Variants in NUAK1 observed in about 807,000 individuals in gnomAD.
NUAK1 encodes the protein NUAK family kinase 1, also known as NUAK family SNF1-like kinase 1.
NUAK1 carries 26 observed loss-of-function variants against 56.9 expected under a neutral mutation model. The observed-to-expected ratio is 0.46, with a 90% CI of 0.33 to 0.63. The LOEUF (loss-of-function observed/expected upper bound fraction) is 0.63, where lower values mean the gene tolerates loss of function less well. Among genes scored for constraint, NUAK1 ranks in the 30% least tolerant of loss-of-function variants. The pLI, the probability that NUAK1 is intolerant of heterozygous loss-of-function variation, is 0.02. For missense variants in NUAK1, 727 were observed against 876.1 expected (o/e 0.83, Z 2.15); for synonymous variants, 337 against 336.0 (o/e 1.00, Z -0.03).
chr12:106,111,710 G>A (rs1211326234), intron 1 of NUAK1, among the ~76,000 whole-genome samples: 1 of 152,128 alleles, frequency 6.6e-6, no homozygotes, highest in African/African-American at 2.4e-5. Context: ...CCAGGTCTTA[G>A]TGCTTCGTCT....
chr12:106,128,653 GAGATAACTA>G (rs1233807757), intron 1 of NUAK1, among the ~76,000 whole-genome samples: 2 of 152,192 alleles, frequency 1.3e-5, no homozygotes, highest in African/African-American at 2.4e-5. Flanking sequence ...GGTCCCGCTG[GAGATAACTA>G]AGAGAAGCAG....
intron 2 of NUAK1, among the ~76,000 whole-genome samples, chr12:106,098,244 C>T (rs1278667703): frequency 2.0e-5 from 3 of 152,162 alleles, no homozygotes; most frequent in Non-Finnish European, 4.4e-5. Flanking sequence ...ATGAGAGGAG[C>T]TTTTAACTGA....
intron 1 of NUAK1, among the ~76,000 whole-genome samples, chr12:106,123,143 A>C (rs2032994530): frequency 6.6e-6 from 1 of 152,242 alleles, no homozygotes. Context: ...AGTGCATACC[A>C]GGAACTGTTC....
chr12:106,063,511 A>C lies in NUAK1; in HGVS notation c.*3291T>G, dbSNP rs2032303356. ...CAAACCAATCAAATGAGTGAAAACC[A>C]ATTTTGACAGGAGCCATAAAGCATG... On this transcript the variant is annotated 3_prime_UTR_variant, in exon 7 of 7. Coordinates refer to ENST00000261402, the MANE Select transcript of NUAK1 (RefSeq NM_014840.3). 1 of 152,624 alleles carries C rather than the reference A, an allele frequency of 6.6e-6. No individual in the cohort carries two copies. The allele number at this position is 152,624 out of a possible 1,614,324, so 9.5% of individuals were successfully genotyped here.
At chr12:106,122,975 T>C (rs1376497283) in intron 1 of NUAK1, among the ~76,000 whole-genome samples, 1 of 152,246 alleles carries the variant, frequency 6.6e-6, no homozygotes, top group African/African-American at 2.4e-5. Context: ...GCCCAACCTG[T>C]AGTCCATGCT....
At chr12:106,073,995 A>ATATATG (rs201737796) in intron 4 of NUAK1, among the ~76,000 whole-genome samples, 48 of 152,068 alleles carry the variant, frequency 3.2e-4, no homozygotes, top group Non-Finnish European at 2.9e-4. Context: ...ACTTTTACAT[A>ATATATG]TATATGTATA....
At chr12:106,112,711 C>T (rs12316899) in intron 1 of NUAK1, among the ~76,000 whole-genome samples, 37,605 of 152,032 alleles carry the variant, frequency 0.25, 7,910 homozygotes, top group African/African-American at 0.58. Flanking sequence ...GGTTCATGTC[C>T]TACATGAATG....
chr12:106,118,554 T>G (rs1261442550), intron 1 of NUAK1, among the ~76,000 whole-genome samples: 1 of 152,234 alleles, frequency 6.6e-6, no homozygotes, highest in Non-Finnish European at 1.5e-5. Flanking sequence ...AATGTGCGGC[T>G]AAGCAAGGAC....
Position 106,133,713 on chromosome 12 carries a change from T to C in NUAK1, c.240+4701A>G, listed in dbSNP as rs113678313. ...AATATCAGCTGGTAGTAAATAATGG[T>C]AGCAGTAGAAATATGATTCTGTCCA... On this transcript the variant is annotated intron_variant, in intron 1 of 6. Transcript: ENST00000261402. Among the ~76,000 whole-genome samples, 542 of 152,350 alleles carry C rather than the reference T, an allele frequency of 3.6e-3. 4 individuals are homozygous for C. The highest frequency in any genetic ancestry group is 0.01 in the Middle Eastern group (3 of 294).
chr12:106,075,090 A>G (rs1042948726), intron 4 of NUAK1, among the ~76,000 whole-genome samples: 5 of 152,108 alleles, frequency 3.3e-5, no homozygotes, highest in African/African-American at 1.2e-4. Context: ...AGGAGTTTTC[A>G]TTCCAAGTCT....
intron 2 of NUAK1, among the ~76,000 whole-genome samples, chr12:106,088,646 A>C (rs931145568): frequency 5.3e-5 from 8 of 152,206 alleles, no homozygotes; most frequent in Non-Finnish European, 1.2e-4. Flanking sequence ...AAGTACTTAG[A>C]ACTGCTGGGA....
At chr12:106,124,542 C>T (rs1358034233) in intron 1 of NUAK1, among the ~76,000 whole-genome samples, 1 of 152,154 alleles carries the variant, frequency 6.6e-6, no homozygotes, top group Non-Finnish European at 1.5e-5. Flanking sequence ...GAGAATTCAG[C>T]AACTGCCACT....
At chr12:106,132,276 G>T (rs2033085531) in intron 1 of NUAK1, among the ~76,000 whole-genome samples, 1 of 152,198 alleles carries the variant, frequency 6.6e-6, no homozygotes, top group South Asian at 2.1e-4. Context: ...GTTCCTTGAG[G>T]TCAGGAAAGA....
chr12:106,084,445 T>A (rs556432809), intron 3 of NUAK1, among the ~76,000 whole-genome samples: 5 of 152,340 alleles, frequency 3.3e-5, no homozygotes, highest in African/African-American at 7.2e-5. Context: ...GTCCTGAGGA[T>A]AACATTTCCT....
At position 106,092,199 on chromosome 12, in the gene NUAK1, T is replaced by A. The variant is rs1283085407; in HGVS notation, c.362-5314A>T. ...TGAATATGAGGAATATGAACCAAAA[T>A]CGTAGATGAGTTTTGAAGTTCTAAA... is the stretch of plus-strand genomic sequence containing the variant. On this transcript the variant is annotated intron_variant, in intron 2 of 6. Coordinates refer to ENST00000261402, the MANE Select transcript of NUAK1 (RefSeq NM_014840.3). Among the ~76,000 whole-genome samples, 8 of 151,662 alleles carry A rather than the reference T, an allele frequency of 5.3e-5. No homozygotes were observed. The East Asian group carries it at 1.6e-3, about 29-fold the overall frequency.
intron 5 of NUAK1, among the ~76,000 whole-genome samples, chr12:106,071,291 C>T (rs1485499147): frequency 2.0e-5 from 3 of 152,174 alleles, no homozygotes; most frequent in Admixed American, 6.5e-5. Flanking sequence ...GCCCCAGTGA[C>T]GGAGGTAAAA....
rs2033156164 is a variant in NUAK1, at chr12:106,138,793, C to T, written c.-140G>A. On this transcript the variant is annotated 5_prime_UTR_variant, in exon 1 of 7. Coordinates refer to ENST00000261402, the MANE Select transcript of NUAK1 (RefSeq NM_014840.3). This position sits in a 1 kb window ranked among gnomAD's most constrained non-coding sequence, Gnocchi z 5.0. ...GGGAGGCGGCCCGATACCGCTCGGACTGCGGCTCGGTCACTGGCGGCGGCG... is the reference window on the plus strand; with the variant it reads ...GGGAGGCGGCCCGATACCGCTCGGATTGCGGCTCGGTCACTGGCGGCGGCG... 8.3e-7 allele frequency: 1 copy of T among 1,201,298 alleles called. No individual in the cohort carries two copies. Among genetic ancestry groups the T allele is most frequent in the Non-Finnish European group, 1.1e-6 (1 of 922,018 alleles). The allele number at this position is 1,201,298 out of a possible 1,614,324, so 74.4% of individuals were successfully genotyped here.
At position 106,064,796 on chromosome 12, in the gene NUAK1, C is replaced by G. The variant is rs926634224; in HGVS notation, c.*2006G>C. The G allele has an allele frequency of 1.4e-5, 2 of 145,832 alleles. No individual in the cohort carries two copies. Among genetic ancestry groups the G allele is most frequent in the Non-Finnish European group, 1.5e-5 (1 of 65,660 alleles). 9.0% of individuals were successfully genotyped at this position (145,832 alleles called of 1,614,324 possible). The stretch of plus-strand genomic sequence containing the variant: ...TCCTCCATGCACCCACACCCCCACC[C>G]CCCCCCACACACACAATTTGCTATC... On this transcript the variant is annotated 3_prime_UTR_variant, in exon 7 of 7. Transcript: ENST00000261402.
rs866474333 is a variant in NUAK1 at position 106,067,246 on chromosome 12, G to A, written c.1542C>T (p.Ser514=). ...CCTTCCTCCGGCAGGAGAGGCTGTG[G>A]GAGGTTACCCTGGCTGGGTCCGGGG... ...PSPPDPARVT[S]HSLSCRRKGI... is the part of the protein sequence containing the mutation. Residue 514 remains serine, a synonymous_variant, in exon 7 of 7, where the codon TCC becomes TCT. Transcript: ENST00000261402. This position sits in a 1 kb window ranked among gnomAD's most constrained non-coding sequence, Gnocchi z 6.0. 6.2e-7 allele frequency: 1 copy of A among 1,614,060 alleles called. No individual in the cohort carries two copies. Among genetic ancestry groups the A allele is most frequent in the African/African-American group, 1.3e-5 (1 of 75,004 alleles).
Sources: gnomAD v4.1 joint callset for allele counts (sites outside exome capture counted in the v4.1 genomes callset) on GRCh38, gnomAD v4.1.1 for gene constraint, Gnocchi (gnomAD v3.1) non-coding constraint, MANE v1.5 for transcripts, NCBI Gene and HGNC (gene_info 2026-07-23, HGNC 2026-07-21) for gene names.